Variants in CCR1 observed in about 807,000 individuals in gnomAD.
CCR1 encodes the protein C-C chemokine receptor type 1.
In CCR1, 1 loss-of-function variant was observed where a neutral mutation model predicts 0.3. The observed-to-expected ratio is 3.70, with a 90% CI of 1.31 to 17.54. The LOEUF is 17.54. Ranked by LOEUF, CCR1 falls within the 30% of genes most tolerant of loss-of-function variation. The probability of loss-of-function intolerance (pLI) is 0.11; values close to 1 mark genes in which losing one functional copy is unlikely to be tolerated. For synonymous variants in CCR1, 207 were observed against 182.5 expected (o/e 1.13, Z -1.08); for missense variants, 349 against 435.4 (o/e 0.80, Z 1.77).
Position 46,204,205 on chromosome 3 carries a change from G to T in CCR1, c.109C>A (p.Leu37Met), listed in dbSNP as rs201648654. The change falls in exon 2 of 2, where the codon CTG (leucine) becomes ATG (methionine). Residue 37 changes from leucine to methionine, a missense_variant. Transcript: ENST00000296140. ...AATACCAAGGAGTACAGAGGGGGCA[G>T]CAGTTGGGCCCCAAAGGCCCTCTCG... ...VNERAFGAQL[L>M]PPLYSLVFVI... 2.0e-5 allele frequency: 33 copies of T among 1,613,676 alleles called. No individual in the cohort carries two copies. Among genetic ancestry groups the T allele is most frequent in the Non-Finnish European group, 2.7e-5 (32 of 1,179,770 alleles).
chr3:46,204,439 T>C, intron 1 of CCR1, 115 bp from the exon 2 acceptor site: 1 of 649,178 alleles, frequency 1.5e-6, no homozygotes, highest in Non-Finnish European at 2.6e-6. Context: ...CATAAATGTT[T>C]ATTGAGTGCC....
At chr3:46,207,556 G>A (rs1199468903) in intron 1 of CCR1, among the ~76,000 whole-genome samples, 1 of 152,066 alleles carries the variant, frequency 6.6e-6, no homozygotes, top group African/African-American at 2.4e-5. Flanking sequence ...CCTTGCATCT[G>A]CCAAGATTTT....
chr3:46,206,936 G>T (rs1466252957), intron 1 of CCR1, among the ~76,000 whole-genome samples: 2 of 152,190 alleles, frequency 1.3e-5, no homozygotes, highest in African/African-American at 4.8e-5. Context: ...TCTGAGCAGA[G>T]ATAGAGCAGT....
chr3:46,204,347 AG>A, intron 1 of CCR1, 23 bp from the exon 2 acceptor site: 4 of 1,381,214 alleles, frequency 2.9e-6, no homozygotes, highest in Non-Finnish European at 3.9e-6. Context: ...AAAAAAAAAA[AG>A]ATTTGTCTTT....
At position 46,204,303 on chromosome 3, in the gene CCR1, G is replaced by T; in HGVS notation, c.11C>A (p.Pro4Gln). 1 of 1,564,830 alleles carries T rather than the reference G, an allele frequency of 6.4e-7. No individual in the cohort carries two copies. Residue 4 changes from proline to glutamine, a missense_variant, in exon 2 of 2, where the codon CCA becomes CAA. Transcript: ENST00000296140. ...CGTGTCATAGTCCTCTGTGGTGTTTGGAGTTTCCATCCCGGCTTCTCCTAC... is the reference window on the plus strand; with the variant it reads ...CGTGTCATAGTCCTCTGTGGTGTTTTGAGTTTCCATCCCGGCTTCTCCTAC... MET[P>Q]NTTEDYDTTT...
At position 46,203,447 on chromosome 3, in the gene CCR1, G is replaced by T. The variant is rs201375160; in HGVS notation, c.867C>A (p.Ile289=). The T allele has an allele frequency of 1.9e-6, 3 of 1,614,010 alleles. No individual in the cohort carries two copies. The highest frequency in any genetic ancestry group is 1.1e-5 in the South Asian group (1 of 91,084). ...LDLAVQVTEV[I]AYTHCCVNPV... ...GGTTGACACAGCAGTGCGTGTAGGCGATCACCTCCGTCACTTGCACAGCCA... is the reference window on the plus strand; with the variant it reads ...GGTTGACACAGCAGTGCGTGTAGGCTATCACCTCCGTCACTTGCACAGCCA... Residue 289 remains isoleucine (I), a synonymous_variant, in exon 2 of 2, where the codon ATC becomes ATA. Coordinates refer to ENST00000296140, the MANE Select transcript of CCR1 (RefSeq NM_001295.3). The surrounding 1 kb of genome is among the most constrained non-coding windows in gnomAD (Gnocchi z 4.5).
chr3:46,204,236 C>G lies in CCR1; in HGVS notation c.78G>C (p.Lys26Asn). 1 of 1,614,050 alleles carries G rather than the reference C, an allele frequency of 6.2e-7. No individual in the cohort carries two copies. Among genetic ancestry groups the G allele is most frequent in the South Asian group, 1.1e-5 (1 of 91,068 alleles). Residue 26 changes from lysine to asparagine, a missense_variant, in exon 2 of 2, where the codon AAG (lysine) becomes AAC (asparagine). Lys to Asn is a moderately conservative substitution (Grantham distance 94). Coordinates refer to ENST00000296140, the MANE Select transcript of CCR1 (RefSeq NM_001295.3). ...FDYGDATPCQ[K>N]VNERAFGAQL... ...GGGCCCCAAAGGCCCTCTCGTTCAC[C>G]TTCTGGCACGGAGTTGCATCCCCAT... is the stretch of plus-strand genomic sequence containing the variant.
chr3:46,206,205 A>AT (rs1699647198), intron 1 of CCR1, among the ~76,000 whole-genome samples: 3 of 151,644 alleles, frequency 2.0e-5, no homozygotes, highest in East Asian at 1.9e-4. Context: ...CACAATTCAC[A>AT]TTTTTTTCAA....
rs551805086 is a variant in CCR1, at chr3:46,206,054, C to T, written c.-11-1730G>A. Among the ~76,000 whole-genome samples, 80 of 152,236 alleles carry T rather than the reference C, an allele frequency of 5.3e-4. 4 individuals carry two copies. Among genetic ancestry groups the T allele is most frequent in the Non-Finnish European group, 1.8e-4 (12 of 68,018 alleles). ...CCATGTGAATGACATTTGAAATTGT[C>T]AATCTATTGCCGCCAATCTAAATTG... On this transcript the variant is annotated intron_variant, in intron 1 of 1. Coordinates refer to ENST00000296140, the MANE Select transcript of CCR1 (RefSeq NM_001295.3).
Position 46,203,819 on chromosome 3 carries a change from G to T in CCR1, c.495C>A (p.Ser165=). The T allele has an allele frequency of 6.2e-7, 1 of 1,614,210 alleles. No individual in the cohort carries two copies. Among genetic ancestry groups the T allele is most frequent in the Non-Finnish European group, 8.5e-7 (1 of 1,180,028 alleles). ...TCTTGGAAAAGTATAAGCCTGGCATGGAAGCCAAGATGGCCAGGGCCCAAA... is the reference window on the plus strand; with the variant it reads ...TCTTGGAAAAGTATAAGCCTGGCATTGAAGCCAAGATGGCCAGGGCCCAAA... The part of the protein sequence containing the change: ...IIIWALAILA[S]MPGLYFSKTQ... The change falls in exon 2 of 2, where the codon TCC becomes TCA. Residue 165 remains serine, a synonymous_variant. Coordinates refer to ENST00000296140, the MANE Select transcript of CCR1 (RefSeq NM_001295.3). This position sits in a 1 kb window ranked among gnomAD's most constrained non-coding sequence, Gnocchi z 4.5.
intron 1 of CCR1, among the ~76,000 whole-genome samples, chr3:46,206,004 T>A (rs1699644672): frequency 6.6e-6 from 1 of 152,196 alleles, no homozygotes; most frequent in Non-Finnish European, 1.5e-5. Flanking sequence ...TTTTTCTTGA[T>A]AACGGTGGAC....
Position 46,203,166 on chromosome 3 carries a change from G to T in CCR1, c.*80C>A, listed in dbSNP as rs903387941. ...ATGCTGTGCCAAGAGTCAGAACCTG[G>T]CTGGGAGAGCCAGGCTGCTGGCTCA... On this transcript the variant is annotated 3_prime_UTR_variant, in exon 2 of 2. Transcript: ENST00000296140. This position sits in a 1 kb window ranked among gnomAD's most constrained non-coding sequence, Gnocchi z 4.5. 1.3e-5 allele frequency: 13 copies of T among 1,032,128 alleles called. No homozygotes were observed. The highest frequency in any genetic ancestry group is 1.1e-4 in the Admixed American group (5 of 45,446). 63.9% of individuals were successfully genotyped at this position (1,032,128 alleles called of 1,614,324 possible).
chr3:46,205,955 C>A (rs979714345), intron 1 of CCR1, among the ~76,000 whole-genome samples: 1 of 152,218 alleles, frequency 6.6e-6, no homozygotes, highest in Non-Finnish European at 1.5e-5. Flanking sequence ...TGTCTCCCAC[C>A]CCCCTGCCAA....
At chr3:46,206,267 T>A (rs1400757482) in intron 1 of CCR1, among the ~76,000 whole-genome samples, 2 of 152,178 alleles carry the variant, frequency 1.3e-5, no homozygotes, top group East Asian at 3.9e-4. Context: ...GCACCCTGGC[T>A]GGAAAGGGAG....
Position 46,204,254 on chromosome 3 carries a change from A to G in CCR1, c.60T>C (p.Asp20=). The change falls in exon 2 of 2, where the codon GAT becomes GAC. Residue 20 remains aspartate, a synonymous_variant. Transcript: ENST00000296140. ...YDTTTEFDYG[D]ATPCQKVNER... is the part of the protein sequence containing the mutation. ...CGTTCACCTTCTGGCACGGAGTTGC[A>G]TCCCCATAGTCAAACTCTGTGGTCG... 6.2e-7 allele frequency: 1 copy of G among 1,613,646 alleles called. No homozygotes were observed. The highest frequency in any genetic ancestry group is 8.5e-7 in the Non-Finnish European group (1 of 1,179,816).
intron 1 of CCR1, among the ~76,000 whole-genome samples, chr3:46,205,541 C>G (rs1000013210): frequency 6.6e-6 from 1 of 152,166 alleles, no homozygotes; most frequent in African/African-American, 2.4e-5. Context: ...TTCTCCCAGT[C>G]CCTGCTTTTT....
In CCR1 at chr3:46,201,832, C is replaced by G. The variant is rs199549863; in HGVS notation, c.*1414G>C. On this transcript the variant is annotated 3_prime_UTR_variant, in exon 2 of 2. Coordinates refer to ENST00000296140, the MANE Select transcript of CCR1 (RefSeq NM_001295.3). ...GTTATTATCATAAATATGCACCCAA[C>G]AAAAAACAAACTAAAAGAAAATACA... 2.0e-4 allele frequency: 31 copies of G among 152,098 alleles called. No individual in the cohort carries two copies. Among genetic ancestry groups the G allele is most frequent in the Non-Finnish European group, 3.7e-4 (25 of 67,996 alleles). 9.4% of individuals were successfully genotyped at this position (152,098 alleles called of 1,614,324 possible).
rs959837875 is a variant in CCR1 at position 46,204,349 on chromosome 3, A to T, written c.-11-25T>A. 6 of 1,367,734 alleles carry T rather than the reference A, an allele frequency of 4.4e-6. No homozygotes were observed. In the South Asian group the frequency reaches 7.3e-5, roughly 17 times the overall value. 84.7% of individuals were successfully genotyped at this position (1,367,734 alleles called of 1,614,324 possible). On this transcript the variant is annotated intron_variant, in intron 1 of 1. Coordinates refer to ENST00000296140, the MANE Select transcript of CCR1 (RefSeq NM_001295.3). ...CCTACAGGTTAAAAAAAAAAAAAAG[A>T]TTTGTCTTTACTCTGCTACTAAAGG...
At position 46,203,384 on chromosome 3, in the gene CCR1, C is replaced by A. The variant is rs1172410329; in HGVS notation, c.930G>T (p.Lys310Asn). ...GCCTGTGGAACAACTGCCGCAGGTA[C>A]TTCCGGAACCTCTCACCAACGAAGG... ...IYAFVGERFR[K>N]YLRQLFHRRV... The change falls in exon 2 of 2, where the codon AAG becomes AAT. Residue 310 changes from lysine to asparagine, a missense_variant. Transcript: ENST00000296140. This position sits in a 1 kb window ranked among gnomAD's most constrained non-coding sequence, Gnocchi z 4.5. The A allele has an allele frequency of 6.2e-7, 1 of 1,614,068 alleles. No individual in the cohort carries two copies. Among genetic ancestry groups the A allele is most frequent in the Non-Finnish European group, 8.5e-7 (1 of 1,180,040 alleles).
Sources: allele counts gnomAD v4.1 joint callset (sites outside exome capture counted in the v4.1 genomes callset), GRCh38; gene constraint gnomAD v4.1.1; non-coding constraint Gnocchi (gnomAD v3.1); transcripts MANE v1.5; gene names NCBI Gene and HGNC (gene_info 2026-07-23, HGNC 2026-07-21).